The following MAP7 variants were observed in gnomAD, a reference collection of about 807,000 sequenced individuals.
MAP7 encodes ensconsin.
A neutral mutation model predicts 94.8 loss-of-function variants in MAP7; 52 were observed. The observed-to-expected ratio is 0.55, with a 90% confidence interval of 0.44 to 0.69. The LOEUF (loss-of-function observed/expected upper bound fraction) is 0.69. MAP7 is among the 30% of genes least tolerant of loss of function. The pLI, the probability that MAP7 is intolerant of heterozygous loss-of-function variation, is 0.00. For missense variants in MAP7, 940 were observed against 964.6 expected (o/e 0.97, Z 0.34); for synonymous variants, 350 against 357.0 (o/e 0.98, Z 0.22).
At chr6:136,447,984 G>T (rs905967473) in intron 1 of MAP7, among the ~76,000 whole-genome samples, 37 of 152,146 alleles carry the variant, frequency 2.4e-4, no homozygotes, top group Admixed American at 2.2e-3. Flanking sequence ...GAGGTCAGGA[G>T]TTTGAGACCA....
chr6:136,470,614 T>C (rs1435590526), intron 1 of MAP7, among the ~76,000 whole-genome samples: 2 of 152,114 alleles, frequency 1.3e-5, no homozygotes, highest in African/African-American at 4.8e-5. Flanking sequence ...GGCCAATATC[T>C]CATTTTCCCC....
chr6:136,391,314 C>T (rs1009902124), intron 3 of MAP7, among the ~76,000 whole-genome samples: 1 of 145,086 alleles, frequency 6.9e-6, no homozygotes, highest in Non-Finnish European at 1.5e-5. Context: ...AAAAACCAAA[C>T]ACTGCATATT....
chr6:136,497,496 C>T (rs1311437986), intron 1 of MAP7, among the ~76,000 whole-genome samples: 2 of 150,648 alleles, frequency 1.3e-5, no homozygotes, highest in African/African-American at 2.5e-5. Flanking sequence ...CTGCATTTTT[C>T]CTCTACCCCA....
intron 3 of MAP7, among the ~76,000 whole-genome samples, chr6:136,392,650 A>G (rs138377206): frequency 1.6e-3 from 246 of 152,284 alleles, no homozygotes; most frequent in Middle Eastern, 3.4e-3. Flanking sequence ...TCCATGTAGA[A>G]TAGCTGAATC....
intron 1 of MAP7, among the ~76,000 whole-genome samples, chr6:136,498,543 A>G (rs1425921449): frequency 6.6e-6 from 1 of 152,112 alleles, no homozygotes; most frequent in Non-Finnish European, 1.5e-5. Context: ...GTTCACATGC[A>G]CCTGTGTCTA....
intron 1 of MAP7, chr6:136,467,033 T>C: frequency 2.4e-6 from 1 of 419,094 alleles, no homozygotes; most frequent in Non-Finnish European, 3.2e-6. Context: ...GAAATGCTTC[T>C]GTTCAAAAAA....
intron 1 of MAP7, among the ~76,000 whole-genome samples, chr6:136,525,424 G>C (rs1175110578): frequency 6.6e-6 from 1 of 152,160 alleles, no homozygotes; most frequent in Non-Finnish European, 1.5e-5. Context: ...CTTTAAAGCA[G>C]AAACTCACTT....
At chr6:136,501,641 T>C (rs1392369867) in intron 1 of MAP7, among the ~76,000 whole-genome samples, 4 of 152,220 alleles carry the variant, frequency 2.6e-5, no homozygotes, top group Admixed American at 6.5e-5. Context: ...CCAATTTTTA[T>C]GCCCAGATGG....
At chr6:136,483,492 T>G (rs1282455352) in intron 1 of MAP7, among the ~76,000 whole-genome samples, 1 of 152,144 alleles carries the variant, frequency 6.6e-6, no homozygotes, top group East Asian at 1.9e-4. Flanking sequence ...AACCTGCACA[T>G]GTACCCTTGA....
chr6:136,398,337 A>G (rs1454204008), intron 3 of MAP7, among the ~76,000 whole-genome samples: 1 of 152,246 alleles, frequency 6.6e-6, no homozygotes, highest in Non-Finnish European at 1.5e-5. Context: ...TGTGGCTCAC[A>G]GTAACATATG....
At position 136,397,153 on chromosome 6, in the gene MAP7, G is replaced by A. The variant is rs75375129; in HGVS notation, c.245-7636C>T. Reference sequence around the variant, plus strand: ...CTTGCCAATTGCAGAGCATGCTAGTGAGTGCAAACTTATTGCTAAATATAG... The same window carrying A: ...CTTGCCAATTGCAGAGCATGCTAGTAAGTGCAAACTTATTGCTAAATATAG... On this transcript the variant is annotated intron_variant, in intron 3 of 17. Transcript: ENST00000354570. Among the ~76,000 whole-genome samples, 870 of 152,280 alleles carry A rather than the reference G, an allele frequency of 5.7e-3. 25 individuals carry two copies. Among genetic ancestry groups the A allele is most frequent in the Admixed American group, 0.04 (612 of 15,292 alleles).
At chr6:136,411,518 GCCTCATAGTCCATCT>G in intron 3 of MAP7, 87 bp downstream of exon 3, 1 of 917,972 alleles carries the variant, frequency 1.1e-6, no homozygotes, top group East Asian at 2.7e-5. Flanking sequence ...ACTAAATTCT[GCCTCATAGTCCATCT>G]GTAAAATTCA....
chr6:136,344,190 C>A lies in MAP7; in HGVS notation c.*38G>T. ...AGGAATTCCATTAATTGTAGAAATTCTCATTAAATTTCAGCTTTGGTTCTT... is the reference window on the plus strand; with the variant it reads ...AGGAATTCCATTAATTGTAGAAATTATCATTAAATTTCAGCTTTGGTTCTT... On this transcript the variant is annotated 3_prime_UTR_variant, in exon 18 of 18. Transcript: ENST00000354570. The A allele has an allele frequency of 8.5e-7, 1 of 1,178,316 alleles. No homozygotes were observed. Among genetic ancestry groups the A allele is most frequent in the Non-Finnish European group, 1.1e-6 (1 of 874,990 alleles). The allele number at this position is 1,178,316 out of a possible 1,614,324, so 73.0% of individuals were successfully genotyped here.
At chr6:136,362,183 G>A (rs1235385250) in intron 11 of MAP7, among the ~76,000 whole-genome samples, 2 of 152,082 alleles carry the variant, frequency 1.3e-5, no homozygotes, top group Non-Finnish European at 2.9e-5. Flanking sequence ...CACTTTGGGA[G>A]GTTCAGGTGG....
chr6:136,404,867 C>T (rs546405890), intron 3 of MAP7, among the ~76,000 whole-genome samples: 4 of 152,056 alleles, frequency 2.6e-5, no homozygotes, highest in South Asian at 2.1e-4. Context: ...ACTTTCTTGT[C>T]GACATATTGT....
intron 3 of MAP7, among the ~76,000 whole-genome samples, chr6:136,391,820 A>G (rs1363244781): frequency 6.6e-6 from 1 of 152,218 alleles, no homozygotes; most frequent in African/African-American, 2.4e-5. Flanking sequence ...TTGCTCACGC[A>G]CACTCGTGCA....
At chr6:136,364,231 T>C in intron 10 of MAP7, 1 of 542,070 alleles carries the variant, frequency 1.8e-6, no homozygotes, top group Non-Finnish European at 3.7e-6. Flanking sequence ...AATGCCCTCA[T>C]TAAAGCAGCT....
chr6:136,466,628 A>AT, intron 1 of MAP7: 1 of 721,406 alleles, frequency 1.4e-6, no homozygotes, highest in South Asian at 3.1e-5. Flanking sequence ...AAAAAAAAAA[A>AT]GATTAGAAGA....
chr6:136,537,162 A>G (rs1828955229), intron 1 of MAP7, among the ~76,000 whole-genome samples: 2 of 150,248 alleles, frequency 1.3e-5, no homozygotes. Context: ...TTTTTTTTAA[A>G]CTTTGATGCT....
Sources: gnomAD v4.1 joint callset for allele counts (sites outside exome capture counted in the v4.1 genomes callset) on GRCh38, gnomAD v4.1.1 for gene constraint, MANE v1.5 for transcripts, NCBI Gene and HGNC (gene_info 2026-07-23, HGNC 2026-07-21) for gene names.